Variants in KDM4B observed in about 807,000 individuals in gnomAD.
The protein encoded by KDM4B is lysine-specific demethylase 4B.
Under a neutral mutation model 125.2 loss-of-function variants are expected in KDM4B, and 32 were observed. The observed-to-expected ratio is 0.26, with a 90% CI of 0.19 to 0.34. The LOEUF (loss-of-function observed/expected upper bound fraction) is 0.34. Among genes scored for constraint, KDM4B ranks in the 10% least tolerant of loss-of-function variants. KDM4B has a pLI of 1.00. For missense variants in KDM4B, 1,190 were observed against 1,577.7 expected (o/e 0.75, Z 4.16); for synonymous variants, 721 against 677.9 (o/e 1.06, Z -0.99).
At position 5,113,129 on chromosome 19, in the gene KDM4B, C is replaced by T. The variant is rs557013875; in HGVS notation, c.1115+2311C>T. The T allele has an allele frequency of 3.5e-3, 539 of 152,348 alleles. 2 individuals carry two copies. Among genetic ancestry groups the T allele is most frequent in the Middle Eastern group, 6.8e-3 (2 of 294 alleles). 9.4% of individuals were successfully genotyped at this position (152,348 alleles called of 1,614,324 possible). On this transcript the variant is annotated intron_variant, in intron 10 of 22. Coordinates refer to ENST00000159111, the MANE Select transcript of KDM4B (RefSeq NM_015015.3). ...GTGGACCCCCCAGAACCAGCCCTTG[C>T]GTGGCCTGGCCTGGCCTCCCTGCCC...
At chr19:5,121,193 G>A (rs2039354062) in intron 11 of KDM4B, among the ~76,000 whole-genome samples, 1 of 152,166 alleles carries the variant, frequency 6.6e-6, no homozygotes, top group South Asian at 2.1e-4. Context: ...GTCACAGTTT[G>A]CCAGTGCCTG....
At chr19:5,132,133 G>T in intron 13 of KDM4B, 126 bp downstream of exon 13, 3 of 1,231,294 alleles carry the variant, frequency 2.4e-6, no homozygotes, top group Non-Finnish European at 3.3e-6. Context: ...CCTGAACCCA[G>T]GCCTTTCTGT....
chr19:5,149,988 C>T (rs2039917809), intron 21 of KDM4B, among the ~76,000 whole-genome samples: 1 of 152,172 alleles, frequency 6.6e-6, no homozygotes, highest in South Asian at 2.1e-4. Context: ...TCCTGCCTGG[C>T]TCTGTGTCCA....
intron 1 of KDM4B, among the ~76,000 whole-genome samples, chr19:5,012,488 T>TTCGTGGCCCGTGGCAGTCCTGGGATCCC (rs2035760395): frequency 1.3e-5 from 2 of 151,800 alleles, no homozygotes; most frequent in African/African-American, 2.4e-5. Flanking sequence ...CCCAGGATCC[T>TTCGTGGCCCGTGGCAGTCCTGGGATCCC]TCGTGGCCCG....
intron 21 of KDM4B, among the ~76,000 whole-genome samples, chr19:5,145,302 C>T (rs72991772): frequency 1.3e-3 from 198 of 152,016 alleles, no homozygotes; most frequent in Non-Finnish European, 1.7e-3. Context: ...AATCTTAGAC[C>T]GGGCACGGTG....
At chr19:4,977,767 T>G (rs1379921821) in intron 1 of KDM4B, among the ~76,000 whole-genome samples, 1 of 152,128 alleles carries the variant, frequency 6.6e-6, no homozygotes, top group African/African-American at 2.4e-5. Flanking sequence ...CAGCCGGGAC[T>G]CAGGACTGCA....
At chr19:5,018,754 C>G (rs1025266894) in intron 2 of KDM4B, among the ~76,000 whole-genome samples, 1 of 152,232 alleles carries the variant, frequency 6.6e-6, no homozygotes, top group Non-Finnish European at 1.5e-5. Flanking sequence ...CCAGGCATCT[C>G]CTTCCTGCCT....
chr19:5,029,484 A>G (rs780666147), intron 2 of KDM4B, among the ~76,000 whole-genome samples: 3 of 152,164 alleles, frequency 2.0e-5, no homozygotes, highest in South Asian at 2.1e-4. Context: ...GGGATTGTGG[A>G]CCATTTTAGT....
chr19:4,987,455 C>G (rs1247175808), intron 1 of KDM4B, among the ~76,000 whole-genome samples: 1 of 151,318 alleles, frequency 6.6e-6, no homozygotes, highest in Non-Finnish European at 1.5e-5. Context: ...GGGAGGTTAT[C>G]TTGGGGCAGA....
chr19:5,126,311 A>C (rs1186266822), intron 11 of KDM4B, among the ~76,000 whole-genome samples: 1 of 152,012 alleles, frequency 6.6e-6, no homozygotes, highest in African/African-American at 2.4e-5. Context: ...CCTATTGCCC[A>C]GCGCTAGGAG....
intron 1 of KDM4B, among the ~76,000 whole-genome samples, chr19:4,996,261 A>T (rs559450078): frequency 1.4e-4 from 22 of 152,210 alleles, no homozygotes; most frequent in Non-Finnish European, 2.9e-4. Flanking sequence ...AAGCGTTGGG[A>T]TTATAGGCGT....
intron 10 of KDM4B, chr19:5,112,624 C>T (rs962046689): frequency 6.6e-6 from 1 of 152,276 alleles, no homozygotes; most frequent in Non-Finnish European, 1.5e-5. Context: ...TTTTTCAACA[C>T]GTCCATCTGT....
chr19:5,025,802 G>A (rs957976928), intron 2 of KDM4B, among the ~76,000 whole-genome samples: 2 of 152,114 alleles, frequency 1.3e-5, no homozygotes, highest in Admixed American at 6.5e-5. Context: ...ACGCAGCCCC[G>A]CTGCCACCCA....
At chr19:5,020,613 G>C (rs932922448) in intron 2 of KDM4B, among the ~76,000 whole-genome samples, 6 of 152,170 alleles carry the variant, frequency 3.9e-5, no homozygotes, top group South Asian at 4.1e-4. Flanking sequence ...CAGGCCGCGG[G>C]CGCTGGGGGA....
At chr19:5,134,507 G>A (rs1034412745) in intron 14 of KDM4B, among the ~76,000 whole-genome samples, 4 of 152,172 alleles carry the variant, frequency 2.6e-5, no homozygotes, top group Non-Finnish European at 5.9e-5. Flanking sequence ...TGCTGGCCTC[G>A]CCTGTCCTCT....
Position 5,131,086 on chromosome 19 carries a change from G to A in KDM4B, c.1326G>A (p.Arg442=). 1 of 1,510,782 alleles carries A rather than the reference G, an allele frequency of 6.6e-7. No individual in the cohort carries two copies. Among genetic ancestry groups the A allele is most frequent in the Non-Finnish European group, 8.9e-7 (1 of 1,129,278 alleles). 93.6% of individuals were successfully genotyped at this position (1,510,782 alleles called of 1,614,324 possible). A position where few individuals can be genotyped will look rare whatever the true frequency, so the allele number is the denominator to read the frequency against. ...CTCCTCTTCCCACAGAGGACGGGAG[G>A]GGCAAGCTGCGGCCAACCAAGGCCA... ...REAEGAEEDG[R]GKLRPTKAKS... The change falls in exon 12 of 23, where the codon AGG becomes AGA. Residue 442 remains arginine, a synonymous_variant. Transcript: ENST00000159111.
intron 9 of KDM4B, among the ~76,000 whole-genome samples, chr19:5,090,313 T>C (rs2038649298): frequency 2.0e-5 from 3 of 150,908 alleles, no homozygotes; most frequent in Admixed American, 2.0e-4. Context: ...TTGAGAAGTC[T>C]CTTTCTCAGC....
chr19:4,974,471 G>C (rs2034374513), intron 1 of KDM4B, among the ~76,000 whole-genome samples: 1 of 151,980 alleles, frequency 6.6e-6, no homozygotes, highest in Admixed American at 6.6e-5. Context: ...AGGTGTGGTG[G>C]CTCACGCCTG....
rs2039213403 is a variant in KDM4B at position 5,114,321 on chromosome 19, C to T, written c.1115+3503C>T. The stretch of plus-strand genomic sequence containing the variant: ...CGGCTGGGCCCAGGCCTCGTCTCCC[C>T]TACCCCTCCGAGCTCGGTGCTGCCT... On this transcript the variant is annotated intron_variant, in intron 10 of 22. Transcript: ENST00000159111. The surrounding 1 kb of genome is among the most constrained non-coding windows in gnomAD (Gnocchi z 5.8). 9.9e-7 allele frequency: 1 copy of T among 1,012,994 alleles called. No individual in the cohort carries two copies. Among genetic ancestry groups the T allele is most frequent in the Non-Finnish European group, 1.4e-6 (1 of 735,960 alleles). The allele number at this position is 1,012,994 out of a possible 1,614,324, so 62.8% of individuals were successfully genotyped here. A position where few individuals can be genotyped will look rare whatever the true frequency, so the allele number is the denominator to read the frequency against.
Sources: gnomAD v4.1 joint callset for allele counts (sites outside exome capture counted in the v4.1 genomes callset) on GRCh38, gnomAD v4.1.1 for gene constraint, Gnocchi (gnomAD v3.1) non-coding constraint, MANE v1.5 for transcripts, NCBI Gene and HGNC (gene_info 2026-07-23, HGNC 2026-07-21) for gene names.